Variants in WDR64 observed in about 807,000 individuals in gnomAD.
The protein encoded by WDR64 is WD repeat-containing protein 64.
A neutral mutation model predicts 139.3 loss-of-function variants in WDR64; 112 were observed. The ratio of observed to expected loss-of-function variants is 0.80; its 90% confidence interval spans 0.69 to 0.94. WDR64 has a LOEUF of 0.94. Among genes scored for constraint, WDR64 ranks in the 40% least tolerant of loss-of-function variants. The probability of loss-of-function intolerance (pLI) is 0.00; values close to 1 mark genes in which losing one functional copy is unlikely to be tolerated. For synonymous variants in WDR64, 444 were observed against 437.7 expected, an observed-to-expected ratio of 1.01 and a Z score of -0.18; for missense variants, 1,206 against 1,293.1, an observed-to-expected ratio of 0.93 and a Z score of 1.03.
chr1:241,680,785 G>GCAGACTCAGCTGGGCTGT (rs71174830), intron 6 of WDR64, among the ~76,000 whole-genome samples: 1 of 151,554 alleles, frequency 6.6e-6, no homozygotes, highest in African/African-American at 2.4e-5. Flanking sequence ...CTTCGGGTCT[G>GCAGACTCAGCTGGGCTGT]CAGTAGCTTC....
chr1:241,678,810 C>A (rs1162962584), intron 5 of WDR64, among the ~76,000 whole-genome samples: 1 of 117,258 alleles, frequency 8.5e-6, no homozygotes, highest in African/African-American at 3.3e-5. Flanking sequence ...TGCTGCCTGG[C>A]AAAGGAGTCT....
Position 241,795,275 on chromosome 1 carries a change from G to A in WDR64, c.3066G>A (p.Leu1022=), listed in dbSNP as rs933468261. 1.2e-6 allele frequency: 2 copies of A among 1,613,198 alleles called. No homozygotes were observed. The highest frequency in any genetic ancestry group is 8.5e-7 in the Non-Finnish European group (1 of 1,179,526). The change falls in exon 26 of 28, where the codon CTG becomes CTA. Residue 1022 remains leucine, a synonymous_variant. Coordinates refer to ENST00000437684, the MANE Select transcript of WDR64 (RefSeq NM_001367482.1). The stretch of plus-strand genomic sequence containing the variant: ...AGGCAGGGATTGTTTTCGGCTCTCT[G>A]CCTATATACAGTGTGAGTTGGAGTT... ...NREAGIVFGS[L]PIYSISSPTS...
chr1:241,684,543 T>A lies in WDR64; in HGVS notation c.839+842T>A, dbSNP rs186436560. ...AAGTACAAGTTAAAATCAGATACAA[T>A]TTTTCACTTATAAAATCAGAAATGA... On this transcript the variant is annotated intron_variant, in intron 7 of 27. Transcript: ENST00000437684. Among the ~76,000 whole-genome samples, 16 of 152,312 alleles carry A rather than the reference T, an allele frequency of 1.1e-4. No individual in the cohort carries two copies. In the Middle Eastern group the frequency reaches 0.01, roughly 97 times the overall value.
At chr1:241,666,050 T>C (rs1666013871) in intron 2 of WDR64, among the ~76,000 whole-genome samples, 1 of 152,182 alleles carries the variant, frequency 6.6e-6, no homozygotes, top group African/African-American at 2.4e-5. Flanking sequence ...TGAACATATG[T>C]TCCTTATATA....
chr1:241,708,235 GTC>G (rs2148165142), intron 8 of WDR64, among the ~76,000 whole-genome samples: 1 of 152,260 alleles, frequency 6.6e-6, no homozygotes, highest in East Asian at 1.9e-4. Flanking sequence ...TTTTATTGTT[GTC>G]TGTTTTATGA....
intron 17 of WDR64, among the ~76,000 whole-genome samples, chr1:241,770,298 A>G (rs938887637): frequency 4.6e-5 from 7 of 151,942 alleles, no homozygotes; most frequent in African/African-American, 1.7e-4. Context: ...AGGTCCCCCC[A>G]CCACCACCCC....
In WDR64 at chr1:241,652,333, C is replaced by A; in HGVS notation, c.-152C>A. The A allele has an allele frequency of 2.7e-6, 2 of 731,168 alleles. No individual in the cohort carries two copies. Among genetic ancestry groups the A allele is most frequent in the Non-Finnish European group, 4.4e-6 (2 of 458,746 alleles). 45.3% of individuals were successfully genotyped at this position (731,168 alleles called of 1,614,324 possible). A position where few individuals can be genotyped will look rare whatever the true frequency, so the allele number is the denominator to read the frequency against. On this transcript the variant is annotated 5_prime_UTR_variant, in exon 1 of 28. Transcript: ENST00000437684. ...AACATCCTAGTGGCAACTCTTACTC[C>A]TACCCGCACTATGGGATTTTAAGAT...
chr1:241,660,727 TAAAAC>T, intron 2 of WDR64, 67 bp downstream of exon 2: 2 of 1,515,832 alleles, frequency 1.3e-6, no homozygotes, highest in African/African-American at 2.8e-5. Flanking sequence ...AATAAATAAT[TAAAAC>T]AAAGTGTTAC....
chr1:241,695,049 G>C (rs1667430321), intron 8 of WDR64, among the ~76,000 whole-genome samples: 1 of 152,072 alleles, frequency 6.6e-6, no homozygotes, highest in Non-Finnish European at 1.5e-5. Context: ...AAAATTTCAG[G>C]AATTAGGCAA....
intron 23 of WDR64, among the ~76,000 whole-genome samples, chr1:241,785,275 T>C (rs778166367): frequency 3.3e-5 from 5 of 152,228 alleles, no homozygotes; most frequent in Admixed American, 2.6e-4. Context: ...TATTGCTCAC[T>C]GTTCTGAAGT....
chr1:241,704,570 G>C (rs1054056945), intron 8 of WDR64, among the ~76,000 whole-genome samples: 1 of 152,044 alleles, frequency 6.6e-6, no homozygotes, highest in Non-Finnish European at 1.5e-5. Flanking sequence ...TAAAGGCACA[G>C]TTCACTCATT....
chr1:241,704,463 G>C lies in WDR64; in HGVS notation c.975-7339G>C, dbSNP rs569742912. Among the ~76,000 whole-genome samples the C allele has an allele frequency of 1.1e-4, 17 of 152,324 alleles. 1 individual carries two copies. The South Asian group carries it at 3.3e-3, about 30-fold the overall frequency. On this transcript the variant is annotated intron_variant, in intron 8 of 27. Transcript: ENST00000437684. The stretch of plus-strand genomic sequence containing the variant: ...AAAGCAATTTTTCAAAGGATATGCA[G>C]CTGAATATGAACATGAAATACTGGA...
At chr1:241,765,458 G>C (rs1267522494) in intron 15 of WDR64, among the ~76,000 whole-genome samples, 4 of 152,256 alleles carry the variant, frequency 2.6e-5, no homozygotes, top group Middle Eastern at 3.4e-3. Context: ...AGGGTACCAA[G>C]TAGGAAACAG....
chr1:241,726,044 CTT>C (rs946665874), intron 10 of WDR64, among the ~76,000 whole-genome samples: 4 of 117,380 alleles, frequency 3.4e-5, no homozygotes, highest in Admixed American at 9.0e-5. Context: ...AGAGAGCTCT[CTT>C]TTTTTTTTTT....
intron 15 of WDR64, among the ~76,000 whole-genome samples, chr1:241,765,716 T>C (rs1232710521): frequency 6.6e-6 from 1 of 152,238 alleles, no homozygotes. Context: ...ATTATGTTTC[T>C]CCAGATCACA....
intron 3 of WDR64, among the ~76,000 whole-genome samples, chr1:241,674,293 C>T (rs1386153293): frequency 2.3e-5 from 3 of 132,840 alleles, no homozygotes; most frequent in Non-Finnish European, 4.6e-5. Flanking sequence ...GGGTCTCGCT[C>T]TGTCACCCAG....
At chr1:241,665,156 A>T (rs1665982592) in intron 2 of WDR64, among the ~76,000 whole-genome samples, 2 of 151,836 alleles carry the variant, frequency 1.3e-5, no homozygotes, top group Admixed American at 1.3e-4. Context: ...TAATAGAAAA[A>T]CTCATGGCCA....
Position 241,740,956 on chromosome 1 carries a change from A to C in WDR64, c.1322-560A>C, listed in dbSNP as rs188246100. On this transcript the variant is annotated intron_variant, in intron 11 of 27. Transcript: ENST00000437684. Reference sequence around the variant, plus strand: ...CCTGCTCCTCATCTACTTCTACTTTACAGTGGTGATTTAGAAATTAATCTT... The same window carrying C: ...CCTGCTCCTCATCTACTTCTACTTTCCAGTGGTGATTTAGAAATTAATCTT... Among the ~76,000 whole-genome samples the C allele has an allele frequency of 2.4e-4, 37 of 152,380 alleles. No individual in the cohort carries two copies. In the East Asian group the frequency reaches 6.9e-3, roughly 29 times the overall value.
rs1360677347 is a variant in WDR64, at chr1:241,711,867, T to C, written c.1040T>C (p.Val347Ala). 9.9e-6 allele frequency: 16 copies of C among 1,614,192 alleles called. No individual in the cohort carries two copies. The highest frequency in any genetic ancestry group is 1.4e-5 in the Non-Finnish European group (16 of 1,180,040). The change falls in exon 9 of 28, where the codon GTG becomes GCG. Residue 347 changes from valine (V) to alanine (A), a missense_variant. Coordinates refer to ENST00000437684, the MANE Select transcript of WDR64 (RefSeq NM_001367482.1). ...NTFCYCVKAN[V>A]IVTGGDDKVI... is the part of the protein sequence containing the mutation. Reference sequence around the variant, plus strand: ...TTTTGCTACTGTGTTAAGGCAAATGTGATTGTCACTGGAGGTGAGAGGGCG... The same window carrying C: ...TTTTGCTACTGTGTTAAGGCAAATGCGATTGTCACTGGAGGTGAGAGGGCG...
Sources: allele counts gnomAD v4.1 joint callset (sites outside exome capture counted in the v4.1 genomes callset), GRCh38; gene constraint gnomAD v4.1.1; transcripts MANE v1.5; gene names NCBI Gene and HGNC (gene_info 2026-07-23, HGNC 2026-07-21).